Variants in MAML2 observed in about 807,000 individuals in gnomAD.
The protein encoded by MAML2 is mastermind-like protein 2.
A neutral mutation model predicts 96.1 loss-of-function variants in MAML2; 22 were observed. The observed-to-expected ratio is 0.23, with a 90% CI of 0.16 to 0.33. The LOEUF (loss-of-function observed/expected upper bound fraction) is 0.33, where lower values mean the gene tolerates loss of function less well. Among genes scored for constraint, MAML2 ranks in the 10% least tolerant of loss-of-function variants. The probability of loss-of-function intolerance (pLI) is 1.00; values close to 1 mark genes in which losing one functional copy is unlikely to be tolerated. For missense variants in MAML2, 1,367 were observed against 1,392.4 expected (o/e 0.98, Z 0.29); for synonymous variants, 561 against 521.3 (o/e 1.08, Z -1.04).
chr11:96,330,537 G>A (rs1251508176), intron 1 of MAML2, among the ~76,000 whole-genome samples: 1 of 152,208 alleles, frequency 6.6e-6, no homozygotes. Context: ...CACCCCAAAA[G>A]TTAGTGGCTT....
intron 2 of MAML2, among the ~76,000 whole-genome samples, chr11:96,041,056 C>T (rs369993897): frequency 2.0e-5 from 3 of 152,174 alleles, no homozygotes; most frequent in African/African-American, 4.8e-5. Flanking sequence ...TTTATTTACC[C>T]TTCCAGTTGC....
intron 2 of MAML2, among the ~76,000 whole-genome samples, chr11:96,027,579 A>C (rs1858545984): frequency 1.3e-5 from 2 of 152,204 alleles, no homozygotes. Flanking sequence ...CCACAGAGGA[A>C]AGACATCTAA....
intron 1 of MAML2, among the ~76,000 whole-genome samples, chr11:96,171,831 G>A (rs550397309): frequency 1.3e-4 from 20 of 152,340 alleles, no homozygotes; most frequent in Non-Finnish European, 2.1e-4. Context: ...GGAGGGAGGC[G>A]TCTGTGGAAG....
chr11:96,026,990 G>T (rs754579832), intron 2 of MAML2, among the ~76,000 whole-genome samples: 3 of 151,990 alleles, frequency 2.0e-5, no homozygotes, highest in Admixed American at 6.5e-5. Flanking sequence ...TTCATGAATC[G>T]ATGAATAAAT....
intron 1 of MAML2, among the ~76,000 whole-genome samples, chr11:96,265,813 TG>T (rs1418862925): frequency 6.6e-6 from 1 of 152,208 alleles, no homozygotes; most frequent in Non-Finnish European, 1.5e-5. Context: ...GCCCAACTTA[TG>T]GGGAAAATCA....
intron 3 of MAML2, among the ~76,000 whole-genome samples, chr11:95,990,178 TTC>T (rs1225605527): frequency 6.6e-6 from 1 of 152,194 alleles, no homozygotes; most frequent in East Asian, 1.9e-4. Context: ...GTATACTTTT[TTC>T]TCTTACTTTT....
chr11:96,223,782 A>G (rs760469868), intron 1 of MAML2, among the ~76,000 whole-genome samples: 2 of 152,172 alleles, frequency 1.3e-5, no homozygotes, highest in Non-Finnish European at 2.9e-5. Flanking sequence ...GTTCTTCTGA[A>G]CTACTGCCTT....
At chr11:96,202,386 G>C (rs1861839287) in intron 1 of MAML2, among the ~76,000 whole-genome samples, 1 of 151,240 alleles carries the variant, frequency 6.6e-6, no homozygotes, top group South Asian at 2.1e-4. Flanking sequence ...TGTTTCAGCA[G>C]TTTTATTGGA....
At chr11:96,229,159 C>T (rs571734844) in intron 1 of MAML2, among the ~76,000 whole-genome samples, 1 of 151,976 alleles carries the variant, frequency 6.6e-6, no homozygotes, top group South Asian at 2.1e-4. Flanking sequence ...CAAAAACATC[C>T]CAAACCTGGC....
chr11:96,339,986 A>C (rs2136023392), intron 1 of MAML2, among the ~76,000 whole-genome samples: 1 of 152,348 alleles, frequency 6.6e-6, no homozygotes, highest in South Asian at 2.1e-4. Context: ...TGTGCAGTTT[A>C]ACTGTTGGTA....
intron 1 of MAML2, among the ~76,000 whole-genome samples, chr11:96,151,321 T>C (rs1361596821): frequency 2.6e-5 from 4 of 152,270 alleles, no homozygotes; most frequent in South Asian, 2.1e-4. Context: ...TCTCCCATCA[T>C]TGGGCATCCA....
chr11:96,026,110 G>T (rs976916574), intron 2 of MAML2, among the ~76,000 whole-genome samples: 1 of 152,164 alleles, frequency 6.6e-6, no homozygotes, highest in Non-Finnish European at 1.5e-5. Flanking sequence ...ACTAGCCCCA[G>T]TTAGACTGCA....
chr11:96,070,518 C>T (rs1416049347), intron 2 of MAML2, among the ~76,000 whole-genome samples: 4 of 152,228 alleles, frequency 2.6e-5, no homozygotes, highest in Non-Finnish European at 5.9e-5. Context: ...TGGTGCTAGC[C>T]AGGGAAGCTG....
intron 1 of MAML2, among the ~76,000 whole-genome samples, chr11:96,332,392 T>G (rs1863865763): frequency 6.6e-6 from 1 of 152,182 alleles, no homozygotes; most frequent in Admixed American, 6.5e-5. Context: ...AACTAATGTT[T>G]AATTTAGCAC....
intron 1 of MAML2, among the ~76,000 whole-genome samples, chr11:96,294,731 C>T (rs80219504): frequency 0.025 from 3,772 of 152,260 alleles, 144 homozygotes; most frequent in African/African-American, 0.085. Context: ...AGGGACCATG[C>T]TTAATCCTCT....
chr11:96,340,900 G>A (rs967175398), intron 1 of MAML2, among the ~76,000 whole-genome samples: 2 of 152,120 alleles, frequency 1.3e-5, no homozygotes, highest in African/African-American at 2.4e-5. Context: ...TCTCTTAAGC[G>A]AAGAAGAAGG....
chr11:96,314,403 T>A (rs1292714303), intron 1 of MAML2, among the ~76,000 whole-genome samples: 1 of 152,220 alleles, frequency 6.6e-6, no homozygotes, highest in African/African-American at 2.4e-5. Context: ...CCTCTTGATA[T>A]CCCCTCTTTC....
chr11:96,308,163 A>G (rs1863491338), intron 1 of MAML2, among the ~76,000 whole-genome samples: 1 of 152,176 alleles, frequency 6.6e-6, no homozygotes, highest in Non-Finnish European at 1.5e-5. Context: ...GCATAGCTAA[A>G]ATTTGGGGGG....
intron 2 of MAML2, among the ~76,000 whole-genome samples, chr11:96,039,844 G>T (rs1858779132): frequency 6.6e-6 from 1 of 151,380 alleles, no homozygotes; most frequent in African/African-American, 2.4e-5. Flanking sequence ...TGTAGTCCCA[G>T]CTACTCAGGA....
Sources: gnomAD v4.1 joint callset for allele counts (sites outside exome capture counted in the v4.1 genomes callset) on GRCh38, gnomAD v4.1.1 for gene constraint, MANE v1.5 for transcripts, NCBI Gene and HGNC (gene_info 2026-07-23, HGNC 2026-07-21) for gene names.